The following FBXW7 variants were observed in gnomAD, a reference collection of about 807,000 sequenced individuals.
FBXW7 encodes the protein F-box and WD repeat domain containing 7.
Under a neutral mutation model 86.3 loss-of-function variants are expected in FBXW7, and 11 were observed. That is an observed-to-expected ratio of 0.13 (90% CI 0.08 to 0.21). The LOEUF is 0.21. FBXW7 is among the 10% of genes least tolerant of loss of function. The pLI, the probability that FBXW7 is intolerant of heterozygous loss-of-function variation, is 1.00. For synonymous variants in FBXW7, 313 were observed against 297.9 expected, an observed-to-expected ratio of 1.05 and a Z score of -0.52; for missense variants, 488 against 847.4, an observed-to-expected ratio of 0.58 and a Z score of 5.27.
intron 12 of FBXW7, chr4:152,325,427 A>T (rs1008134890): frequency 6.6e-6 from 1 of 152,208 alleles, no homozygotes; most frequent in South Asian, 2.1e-4. Context: ...CTTCCTATTC[A>T]TCTAGTTAAT....
At chr4:152,350,427 T>A (rs1731694833) in intron 4 of FBXW7, among the ~76,000 whole-genome samples, 1 of 151,810 alleles carries the variant, frequency 6.6e-6, no homozygotes, top group Non-Finnish European at 1.5e-5. Context: ...GTTTTCCAAT[T>A]TAATAACCAA....
rs373148944 is a variant in FBXW7, at chr4:152,330,636, G to C, written c.1122+96C>G. On this transcript the variant is annotated intron_variant, in intron 9 of 13. Transcript: ENST00000281708. ...AATATACGGTTTTCTTTCTACAGAA[G>C]AGGAGTGTCATATTATACAGTTTGC... The C allele has an allele frequency of 2.3e-4, 230 of 1,014,942 alleles. 1 individual carries two copies. The African/African-American group carries it at 3.6e-3, about 16-fold the overall frequency. 62.9% of individuals were successfully genotyped at this position (1,014,942 alleles called of 1,614,324 possible). A position where few individuals can be genotyped will look rare whatever the true frequency, so the allele number is the denominator to read the frequency against.
At chr4:152,423,491 C>A (rs1382450588) in intron 2 of FBXW7, among the ~76,000 whole-genome samples, 1 of 152,106 alleles carries the variant, frequency 6.6e-6, no homozygotes, top group Non-Finnish European at 1.5e-5. Context: ...GTCAAGAGTA[C>A]ACATTTTCCC....
chr4:152,502,341 T>C (rs1747034134), intron 2 of FBXW7, among the ~76,000 whole-genome samples: 1 of 152,160 alleles, frequency 6.6e-6, no homozygotes, highest in Non-Finnish European at 1.5e-5. Context: ...ATACTCCACA[T>C]CTCAGGATAC....
At chr4:152,435,817 A>G (rs1228212328) in intron 2 of FBXW7, among the ~76,000 whole-genome samples, 1 of 152,174 alleles carries the variant, frequency 6.6e-6, no homozygotes, top group Non-Finnish European at 1.5e-5. Context: ...GCATGTGGTA[A>G]CTTCATGTCT....
At chr4:152,337,363 T>C (rs1405704172) in intron 7 of FBXW7, among the ~76,000 whole-genome samples, 1 of 151,926 alleles carries the variant, frequency 6.6e-6, no homozygotes, top group Non-Finnish European at 1.5e-5. Flanking sequence ...AATAGAATCA[T>C]AAACCTATTG....
At chr4:152,335,234 A>G (rs1164316728) in intron 7 of FBXW7, among the ~76,000 whole-genome samples, 4 of 152,168 alleles carry the variant, frequency 2.6e-5, no homozygotes, top group Non-Finnish European at 5.9e-5. Flanking sequence ...TAATTAGGTC[A>G]TGAGGTTGGA....
At position 152,322,265 on chromosome 4, in the gene FBXW7, A is replaced by G. The variant is rs564321408; in HGVS notation, c.*616T>C. The G allele has an allele frequency of 4.3e-5, 10 of 232,920 alleles. No homozygotes were observed. Among genetic ancestry groups the G allele is most frequent in the Non-Finnish European group, 5.9e-5 (7 of 117,826 alleles). The allele number at this position is 232,920 out of a possible 1,614,324, so 14.4% of individuals were successfully genotyped here. A position where few individuals can be genotyped will look rare whatever the true frequency, so the allele number is the denominator to read the frequency against. On this transcript the variant is annotated 3_prime_UTR_variant, in exon 14 of 14. Transcript: ENST00000281708. ...TGCATTGAAGAATGTATATGGAAGCAACAGTAAATAGATTAACAGAGGCTA... is the reference window on the plus strand; with the variant it reads ...TGCATTGAAGAATGTATATGGAAGCGACAGTAAATAGATTAACAGAGGCTA...
intron 2 of FBXW7, among the ~76,000 whole-genome samples, chr4:152,465,488 T>C (rs1271408373): frequency 6.6e-6 from 1 of 152,188 alleles, no homozygotes; most frequent in Non-Finnish European, 1.5e-5. Flanking sequence ...CATTTCCTTT[T>C]CCATTGCTAA....
chr4:152,327,371 T>C (rs1729140964), intron 11 of FBXW7, among the ~76,000 whole-genome samples: 1 of 152,016 alleles, frequency 6.6e-6, no homozygotes, highest in Non-Finnish European at 1.5e-5. Flanking sequence ...ATAGACAGAA[T>C]TAAAGGTAAA....
intron 2 of FBXW7, among the ~76,000 whole-genome samples, chr4:152,476,244 A>G (rs1333479139): frequency 6.6e-6 from 1 of 152,210 alleles, no homozygotes; most frequent in Non-Finnish European, 1.5e-5. Context: ...AGTCTCTTCA[A>G]CAAATAGTGC....
Position 152,322,677 on chromosome 4 carries a change from C to A in FBXW7, c.*204G>T. On this transcript the variant is annotated 3_prime_UTR_variant, in exon 14 of 14. Transcript: ENST00000281708. Reference sequence around the variant, plus strand: ...CTTTTATGTGATGAGACAGCAGACGCCTCTCTTGTCAGTTATGGTTTGTCA... The same window carrying A: ...CTTTTATGTGATGAGACAGCAGACGACTCTCTTGTCAGTTATGGTTTGTCA... 2 of 814,390 alleles carry A rather than the reference C, an allele frequency of 2.5e-6. No homozygotes were observed. The highest frequency in any genetic ancestry group is 3.6e-6 in the Non-Finnish European group (2 of 557,356). The allele number at this position is 814,390 out of a possible 1,614,324, so 50.4% of individuals were successfully genotyped here.
At chr4:152,462,485 A>C (rs1743040987) in intron 2 of FBXW7, among the ~76,000 whole-genome samples, 1 of 152,234 alleles carries the variant, frequency 6.6e-6, no homozygotes, top group Non-Finnish European at 1.5e-5. Flanking sequence ...GTTTACACTC[A>C]GATTTTGGAT....
intron 2 of FBXW7, among the ~76,000 whole-genome samples, chr4:152,467,572 A>T (rs541324209): frequency 2.0e-5 from 3 of 152,226 alleles, no homozygotes; most frequent in Non-Finnish European, 4.4e-5. Flanking sequence ...TAATATTTTC[A>T]CAGTAACACA....
At chr4:152,430,465 T>C (rs898244043) in intron 2 of FBXW7, among the ~76,000 whole-genome samples, 6 of 152,164 alleles carry the variant, frequency 3.9e-5, no homozygotes, top group Non-Finnish European at 4.4e-5. Context: ...ATAGTATAGC[T>C]TTATTTGTAC....
chr4:152,341,428 G>T (rs938508162), intron 6 of FBXW7, among the ~76,000 whole-genome samples: 1 of 152,104 alleles, frequency 6.6e-6, no homozygotes, highest in Non-Finnish European at 1.5e-5. Context: ...CTCTAAAATT[G>T]CAACCAGTTC....
At chr4:152,340,048 T>C (rs891176806) in intron 6 of FBXW7, among the ~76,000 whole-genome samples, 7 of 151,774 alleles carry the variant, frequency 4.6e-5, no homozygotes, top group African/African-American at 1.7e-4. Context: ...AATTCAGACC[T>C]AAGCTAAATA....
At chr4:152,471,393 G>C (rs1743943650) in intron 2 of FBXW7, among the ~76,000 whole-genome samples, 2 of 145,684 alleles carry the variant, frequency 1.4e-5, no homozygotes, top group Admixed American at 1.4e-4. Flanking sequence ...GAGAAGGAAG[G>C]AGGGAAGGAG....
chr4:152,472,545 C>T (rs1207775973), intron 2 of FBXW7, among the ~76,000 whole-genome samples: 6 of 151,982 alleles, frequency 3.9e-5, no homozygotes, highest in African/African-American at 1.5e-4. Flanking sequence ...ACTTATAAAT[C>T]ATATAGTCTT....
Sources: gnomAD v4.1 joint callset for allele counts (sites outside exome capture counted in the v4.1 genomes callset) on GRCh38, gnomAD v4.1.1 for gene constraint, MANE v1.5 for transcripts, NCBI Gene and HGNC (gene_info 2026-07-23, HGNC 2026-07-21) for gene names.